Variants in CLSTN2 observed in about 807,000 individuals in gnomAD.
CLSTN2 encodes calsyntenin 2.
CLSTN2 carries 48 observed loss-of-function variants against 101.2 expected under a neutral mutation model. The ratio of observed to expected loss-of-function variants is 0.47; its 90% CI spans 0.38 to 0.60. The LOEUF is 0.60. CLSTN2 is among the 20% of genes least tolerant of loss of function. The pLI is 0.00. For synonymous variants in CLSTN2, 481 were observed against 463.6 expected (o/e 1.04, Z -0.48); for missense variants, 1,160 against 1,238.2 (o/e 0.94, Z 0.95).
intron 1 of CLSTN2, among the ~76,000 whole-genome samples, chr3:139,991,636 T>C (rs1325558458): frequency 2.0e-5 from 3 of 152,274 alleles, no homozygotes; most frequent in Non-Finnish European, 4.4e-5. Flanking sequence ...ATGTGCAGTA[T>C]GCACCATGCT....
intron 1 of CLSTN2, among the ~76,000 whole-genome samples, chr3:139,981,662 C>T (rs1576385237): frequency 6.6e-6 from 1 of 152,234 alleles, no homozygotes; most frequent in South Asian, 2.1e-4. Flanking sequence ...TGTGTCCCTG[C>T]ATTTGCTAAA....
chr3:140,127,894 C>T (rs2009461794), intron 1 of CLSTN2, among the ~76,000 whole-genome samples: 1 of 152,134 alleles, frequency 6.6e-6, no homozygotes, highest in Non-Finnish European at 1.5e-5. Context: ...TCATACCAAA[C>T]CCTGGCAATA....
In CLSTN2 at chr3:140,156,963, A is replaced by G. The variant is rs114404294; in HGVS notation, c.110-18988A>G. Among the ~76,000 whole-genome samples the G allele has an allele frequency of 6.7e-3, 1,019 of 152,224 alleles. 9 individuals carry two copies. The highest frequency in any genetic ancestry group is 0.023 in the African/African-American group (960 of 41,536). ...AACACAACCCGCTGACATCAGAGAG[A>G]AGTAAAGGCTCTTTTGAATCTGATT... On this transcript the variant is annotated intron_variant, in intron 1 of 16. Transcript: ENST00000458420.
At chr3:140,563,890 A>C in intron 15 of CLSTN2, 71 bp from the exon 16 acceptor site, 1 of 1,496,982 alleles carries the variant, frequency 6.7e-7, no homozygotes, top group South Asian at 1.2e-5. Context: ...CGGATGTTTC[A>C]TTCATGCTCC....
intron 1 of CLSTN2, among the ~76,000 whole-genome samples, chr3:140,102,657 A>G (rs1013740698): frequency 1.3e-5 from 2 of 152,212 alleles, no homozygotes; most frequent in Non-Finnish European, 2.9e-5. Flanking sequence ...GTTTCTTCAC[A>G]TTGTTAATGA....
intron 1 of CLSTN2, among the ~76,000 whole-genome samples, chr3:140,086,381 A>G (rs2008680749): frequency 6.6e-6 from 1 of 152,174 alleles, no homozygotes; most frequent in Admixed American, 6.5e-5. Context: ...ATTGTGTGAT[A>G]TTAGACAAAT....
At chr3:140,396,411 C>A (rs1385017653) in intron 2 of CLSTN2, among the ~76,000 whole-genome samples, 1 of 152,124 alleles carries the variant, frequency 6.6e-6, no homozygotes, top group African/African-American at 2.4e-5. Context: ...CTTTTCAGTT[C>A]TTAAACAGGA....
chr3:140,508,510 T>G (rs1056851928), intron 8 of CLSTN2: 5 of 152,228 alleles, frequency 3.3e-5, no homozygotes, highest in Admixed American at 6.5e-5. Context: ...TTAGAACCCA[T>G]AGGATGGGAC....
intron 2 of CLSTN2, among the ~76,000 whole-genome samples, chr3:140,380,796 G>A (rs1395476275): frequency 1.3e-5 from 2 of 152,190 alleles, no homozygotes; most frequent in African/African-American, 4.8e-5. Flanking sequence ...GCAACCCATG[G>A]CTGAACTGTG....
At chr3:140,427,078 A>G (rs1476785654) in intron 5 of CLSTN2, among the ~76,000 whole-genome samples, 4 of 150,198 alleles carry the variant, frequency 2.7e-5, no homozygotes, top group African/African-American at 7.5e-5. Flanking sequence ...TGGGAGGCTG[A>G]TGCAGGAGAA....
At chr3:140,314,567 C>A (rs944423806) in intron 2 of CLSTN2, among the ~76,000 whole-genome samples, 2 of 151,984 alleles carry the variant, frequency 1.3e-5, no homozygotes, top group Non-Finnish European at 2.9e-5. Context: ...CCTGAAGTAT[C>A]AGCCAGTGCT....
chr3:140,445,714 G>T (rs887526596), intron 5 of CLSTN2, among the ~76,000 whole-genome samples: 1 of 152,184 alleles, frequency 6.6e-6, no homozygotes, highest in Non-Finnish European at 1.5e-5. Context: ...TCTGTCTGCA[G>T]CTCAGGAAGT....
In CLSTN2 at chr3:140,203,676, T is replaced by C. The variant is rs564583464; in HGVS notation, c.232+27603T>C. ...TTTTGAAAGGCCTCCTGGTGCCTGA[T>C]AGATTTGTTAGGGAGCCTGACAGCT... On this transcript the variant is annotated intron_variant, in intron 2 of 16. Coordinates refer to ENST00000458420, the MANE Select transcript of CLSTN2 (RefSeq NM_022131.3). Among the ~76,000 whole-genome samples the C allele has an allele frequency of 1.8e-4, 28 of 152,166 alleles. 1 individual carries two copies. The South Asian group carries it at 5.8e-3, about 32-fold the overall frequency.
intron 2 of CLSTN2, among the ~76,000 whole-genome samples, chr3:140,298,404 A>G (rs563744000): frequency 6.6e-6 from 1 of 152,390 alleles, no homozygotes; most frequent in South Asian, 2.1e-4. Context: ...AACAATAGTA[A>G]TGATGACAAT....
intron 1 of CLSTN2, among the ~76,000 whole-genome samples, chr3:140,124,927 G>C (rs2009405432): frequency 1.3e-5 from 2 of 152,162 alleles, no homozygotes; most frequent in African/African-American, 4.8e-5. Flanking sequence ...AAGGAGACAG[G>C]GGCTAGGGCC....
chr3:140,401,047 C>T (rs548273297), intron 2 of CLSTN2, among the ~76,000 whole-genome samples: 5 of 152,366 alleles, frequency 3.3e-5, no homozygotes, highest in South Asian at 2.1e-4. Context: ...AGACTGCAAG[C>T]GGCTTACAGG....
At chr3:140,081,649 CT>C (rs2008601538) in intron 1 of CLSTN2, among the ~76,000 whole-genome samples, 1 of 146,850 alleles carries the variant, frequency 6.8e-6, no homozygotes, top group African/African-American at 2.5e-5. Flanking sequence ...CTGCTCAATT[CT>C]CTCCTTCCCC....
intron 3 of CLSTN2, 131 bp downstream of exon 3, chr3:140,403,955 G>T: frequency 2.8e-6 from 2 of 711,560 alleles, no homozygotes; most frequent in South Asian, 3.9e-5. Flanking sequence ...CAACTGCTTG[G>T]CAGTTTCCTG....
At chr3:140,347,386 A>T (rs1274770405) in intron 2 of CLSTN2, among the ~76,000 whole-genome samples, 1 of 152,212 alleles carries the variant, frequency 6.6e-6, no homozygotes, top group Non-Finnish European at 1.5e-5. Flanking sequence ...ACTGTTAACA[A>T]GGAGGTGCTC....
Sources: allele counts gnomAD v4.1 joint callset (sites outside exome capture counted in the v4.1 genomes callset), GRCh38; gene constraint gnomAD v4.1.1; transcripts MANE v1.5; gene names NCBI Gene and HGNC (gene_info 2026-07-23, HGNC 2026-07-21).